PRMT2: variants seen among roughly 807,000 people sequenced by gnomAD.
PRMT2 encodes the protein protein arginine methyltransferase 2.
In PRMT2, 26 loss-of-function variants were observed where a neutral mutation model predicts 57.6. The ratio of observed to expected loss-of-function variants is 0.45; its 90% CI spans 0.33 to 0.63. The LOEUF (loss-of-function observed/expected upper bound fraction) is 0.63. Among genes scored for constraint, PRMT2 ranks in the 20% least tolerant of loss-of-function variants. PRMT2 has a pLI of 0.02. For synonymous variants in PRMT2, 219 were observed against 220.0 expected (o/e 1.00, Z 0.04); for missense variants, 472 against 564.4 (o/e 0.84, Z 1.66).
rs1448308355 is a variant in PRMT2, at chr21:46,658,824, CTGCGT to C, written c.738_742del (p.Leu247ProfsTer7). On this transcript the variant is annotated frameshift_variant, in exon 8 of 12. Transcript: ENST00000355680. LOFTEE classifies it high-confidence loss of function. ...GACGGGGTCATTTGGCCCACCATGG[CTGCGT>C]TGCACCTTGTGCCCTGCAGTGCTGA... 6.2e-7 allele frequency: 1 copy of C among 1,614,128 alleles called. No homozygotes were observed. Among genetic ancestry groups the C allele is most frequent in the Non-Finnish European group, 8.5e-7 (1 of 1,180,054 alleles).
rs758384449 is a variant in PRMT2 at position 46,664,399 on chromosome 21, C to T, written c.*72C>T. The T allele has an allele frequency of 2.5e-6, 4 of 1,593,382 alleles. No individual in the cohort carries two copies. In the African/African-American group the frequency reaches 4.0e-5, roughly 16 times the overall value. ...ATGAACACAAGCAAACCAAGTTGCA[C>T]CTGGCTTCTGCACACTCCTGCGAAA... On this transcript the variant is annotated 3_prime_UTR_variant, in exon 12 of 12. Transcript: ENST00000355680.
chr21:46,644,164 C>G, intron 4 of PRMT2, 142 bp from the exon 5 acceptor site: 2 of 780,848 alleles, frequency 2.6e-6, no homozygotes, highest in Non-Finnish European at 4.0e-6. Context: ...CACTTGCAAA[C>G]ATTCTCAGTT....
chr21:46,657,978 C>T (rs2061564485), intron 7 of PRMT2: 1 of 152,218 alleles, frequency 6.6e-6, no homozygotes, highest in Non-Finnish European at 1.5e-5. Flanking sequence ...CCGTACAAAA[C>T]ATGTATTACT....
In PRMT2 at chr21:46,647,137, G is replaced by C. The variant is rs1057082749; in HGVS notation, c.328-1321G>C. On this transcript the variant is annotated intron_variant, in intron 5 of 11. Coordinates refer to ENST00000355680, the MANE Select transcript of PRMT2 (RefSeq NM_206962.4). ...ACAAATCAAAGTGAAAAAGGACTTTGATCTTAAAAGTTAAATATGGCATCT... is the reference window on the plus strand; with the variant it reads ...ACAAATCAAAGTGAAAAAGGACTTTCATCTTAAAAGTTAAATATGGCATCT... Among the ~76,000 whole-genome samples, 2 of 152,180 alleles carry C rather than the reference G, an allele frequency of 1.3e-5. 1 individual carries two copies. The highest frequency in any genetic ancestry group is 1.3e-4 in the Admixed American group (2 of 15,282).
At chr21:46,659,301 G>C (rs2061586220) in intron 8 of PRMT2, 1 of 1,011,406 alleles carries the variant, frequency 9.9e-7, no homozygotes, top group African/African-American at 1.7e-5. Context: ...ATGGGGGCCT[G>C]TGTGCACCAT....
intron 3 of PRMT2, among the ~76,000 whole-genome samples, chr21:46,637,254 G>A (rs1034387948): frequency 2.0e-5 from 3 of 152,198 alleles, no homozygotes; most frequent in Admixed American, 6.5e-5. Flanking sequence ...TTTTTGGTAC[G>A]TGAACTGGCA....
intron 2 of PRMT2, 81 bp downstream of exon 2, chr21:46,636,628 C>T: frequency 3.2e-6 from 1 of 315,910 alleles, no homozygotes; most frequent in Non-Finnish European, 5.8e-6. Context: ...AAGTCGACAC[C>T]TGATCTAACA....
Position 46,662,329 on chromosome 21 carries a change from C to T in PRMT2, c.1097+393C>T, listed in dbSNP as rs188373270. ...GCCTGTTTTTTGGGACACATTTCCCCGCCAGCACCCTGGGCATGTGTGGCA... is the reference window on the plus strand; with the variant it reads ...GCCTGTTTTTTGGGACACATTTCCCTGCCAGCACCCTGGGCATGTGTGGCA... On this transcript the variant is annotated intron_variant, in intron 10 of 11. Transcript: ENST00000355680. Among the ~76,000 whole-genome samples, 523 of 152,330 alleles carry T rather than the reference C, an allele frequency of 3.4e-3. 4 individuals carry two copies. Among genetic ancestry groups the T allele is most frequent in the African/African-American group, 0.012 (489 of 41,576 alleles).
chr21:46,659,057 T>C (rs538582410), intron 8 of PRMT2, 137 bp downstream of exon 8: 1 of 1,440,332 alleles, frequency 6.9e-7, no homozygotes, highest in African/African-American at 1.4e-5. Context: ...TAGGACAATC[T>C]GTTGTAGCAT....
chr21:46,660,120 T>C, intron 8 of PRMT2: 1 of 972,148 alleles, frequency 1.0e-6, no homozygotes, highest in Non-Finnish European at 1.2e-6. Flanking sequence ...GGAATCTTTA[T>C]TAAAACATTC....
At position 46,648,800 on chromosome 21, in the gene PRMT2, G is replaced by A. The variant is rs1601932810; in HGVS notation, c.489+181G>A. ...GGTAAAATAGCAGTGCGTGGAGACCGCGTGCTAGAGGCCGTGGCGCCCGCG... is the reference window on the plus strand; with the variant it reads ...GGTAAAATAGCAGTGCGTGGAGACCACGTGCTAGAGGCCGTGGCGCCCGCG... On this transcript the variant is annotated intron_variant, in intron 6 of 11. Coordinates refer to ENST00000355680, the MANE Select transcript of PRMT2 (RefSeq NM_206962.4). The surrounding 1 kb of genome is among the most constrained non-coding windows in gnomAD (Gnocchi z 4.8). 1.3e-5 allele frequency among the ~76,000 whole-genome samples: 2 copies of A among 152,202 alleles called. No individual in the cohort carries two copies. The highest frequency in any genetic ancestry group is 2.4e-5 in the African/African-American group (1 of 41,438).
chr21:46,643,558 T>A lies in PRMT2; in HGVS notation c.63T>A (p.Ser21Arg). ...AGGGAGAAGAGCCTGCTGAGTGCAGTGAGGCCGGTCTCCTGCAGGAGGGAG... is the reference window on the plus strand; with the variant it reads ...AGGGAGAAGAGCCTGCTGAGTGCAGAGAGGCCGGTCTCCTGCAGGAGGGAG... ...ESQGEEPAECSEAGLLQEGVQ... is the reference protein window; with the variant it reads ...ESQGEEPAECREAGLLQEGVQ... The change falls in exon 4 of 12, where the codon AGT (serine) becomes AGA (arginine). Residue 21 changes from serine to arginine, a missense_variant. Transcript: ENST00000355680. 1 of 1,605,780 alleles carries A rather than the reference T, an allele frequency of 6.2e-7. No individual in the cohort carries two copies. The highest frequency in any genetic ancestry group is 8.5e-7 in the Non-Finnish European group (1 of 1,177,372).
chr21:46,644,898 G>T (rs768534009), intron 5 of PRMT2, among the ~76,000 whole-genome samples: 1 of 151,850 alleles, frequency 6.6e-6, no homozygotes, highest in South Asian at 2.1e-4. Context: ...GATTATGTGC[G>T]TGCTCCCTCA....
chr21:46,661,007 C>T, intron 9 of PRMT2, 45 bp downstream of exon 9: 1 of 1,584,326 alleles, frequency 6.3e-7, no homozygotes. Flanking sequence ...AATCAGTGAC[C>T]ACGAAACACT....
chr21:46,653,724 CA>C, intron 7 of PRMT2: 2 of 1,232,762 alleles, frequency 1.6e-6, no homozygotes, highest in Non-Finnish European at 1.0e-6. Flanking sequence ...CGCACACACA[CA>C]AAACCATCAA....
At chr21:46,663,282 G>A in intron 10 of PRMT2, 101 bp from the exon 11 acceptor site, 2 of 1,215,350 alleles carry the variant, frequency 1.6e-6, no homozygotes, top group South Asian at 1.5e-5. Context: ...TGTGGGTGCT[G>A]TTGGGGGCGA....
chr21:46,658,587 C>T (rs561977916), intron 7 of PRMT2, 158 bp from the exon 8 acceptor site: 18 of 1,337,750 alleles, frequency 1.3e-5, no homozygotes, highest in Middle Eastern at 2.2e-4. Flanking sequence ...AATAAACCCT[C>T]GAGATGTTCT....
At chr21:46,640,197 T>G (rs780154709) in intron 3 of PRMT2, among the ~76,000 whole-genome samples, 7 of 152,216 alleles carry the variant, frequency 4.6e-5, no homozygotes, top group Non-Finnish European at 8.8e-5. Context: ...ATTTTACATA[T>G]GTTGTAAACG....
At chr21:46,660,997 A>T (rs1034280689) in intron 9 of PRMT2, 35 bp downstream of exon 9, 2 of 1,597,348 alleles carry the variant, frequency 1.3e-6, no homozygotes, top group African/African-American at 2.7e-5. Context: ...TACATTCGAT[A>T]ATCAGTGACC....
Sources: allele counts gnomAD v4.1 joint callset (sites outside exome capture counted in the v4.1 genomes callset), GRCh38; gene constraint gnomAD v4.1.1; non-coding constraint Gnocchi (gnomAD v3.1); transcripts MANE v1.5; gene names NCBI Gene and HGNC (gene_info 2026-07-23, HGNC 2026-07-21).